SLAMF1: variants seen among roughly 807,000 people sequenced by gnomAD.
SLAMF1 encodes signaling lymphocytic activation molecule family member 1, also known as signaling lymphocytic activation molecule.
In SLAMF1, 18 loss-of-function variants were observed where a neutral mutation model predicts 35.1. The observed-to-expected ratio is 0.51, with a 90% CI of 0.35 to 0.76. SLAMF1 has a LOEUF of 0.76. SLAMF1 is among the 30% of genes least tolerant of loss of function. SLAMF1 has a pLI of 0.01. For missense variants in SLAMF1, 392 were observed against 413.0 expected (o/e 0.95, Z 0.44); for synonymous variants, 168 against 157.2 (o/e 1.07, Z -0.51).
intron 5 of SLAMF1, among the ~76,000 whole-genome samples, chr1:160,613,605 A>G (rs1558001208): frequency 6.6e-6 from 1 of 152,248 alleles, no homozygotes; most frequent in Non-Finnish European, 1.5e-5. Context: ...CCCTGGGTAT[A>G]GAGCCAGACT....
At chr1:160,629,321 C>CTCTT (rs35504996) in intron 3 of SLAMF1, among the ~76,000 whole-genome samples, 1 of 151,862 alleles carries the variant, frequency 6.6e-6, no homozygotes, top group African/African-American at 2.4e-5. Context: ...CTCTCTCTCT[C>CTCTT]TTCTCAAGTC....
intron 5 of SLAMF1, among the ~76,000 whole-genome samples, chr1:160,617,075 G>C (rs1659340177): frequency 6.6e-6 from 1 of 151,826 alleles, no homozygotes; most frequent in South Asian, 2.1e-4. Context: ...AGAATGGCTT[G>C]AACCCAGGAG....
intron 3 of SLAMF1, 38 bp from the exon 4 acceptor site, chr1:160,624,223 T>C (rs1412288286): frequency 1.2e-5 from 17 of 1,383,146 alleles, no homozygotes; most frequent in Non-Finnish European, 1.6e-5. Flanking sequence ...ATCTCAAAAG[T>C]ATTCTGAGCT....
In SLAMF1 at chr1:160,609,366, C is replaced by T. The variant is rs1329952512; in HGVS notation, c.*1382G>A. The T allele has an allele frequency of 6.6e-6, 1 of 152,160 alleles. No individual in the cohort carries two copies. The allele number at this position is 152,160 out of a possible 1,614,324, so 9.4% of individuals were successfully genotyped here. On this transcript the variant is annotated 3_prime_UTR_variant, in exon 7 of 7. Coordinates refer to ENST00000302035, the MANE Select transcript of SLAMF1 (RefSeq NM_003037.5). Reference sequence around the variant, plus strand: ...AGCCAAAGCCAGCTTCTGTTGATTGCAACTAAGAACTCTATTAAAGAAGCT... The same window carrying T: ...AGCCAAAGCCAGCTTCTGTTGATTGTAACTAAGAACTCTATTAAAGAAGCT...
chr1:160,621,863 T>TGTGC, intron 4 of SLAMF1, among the ~76,000 whole-genome samples: 1 of 144,828 alleles, frequency 6.9e-6, no homozygotes, highest in South Asian at 2.1e-4. Context: ...TGCGTGTGTG[T>TGTGC]GTGTGTGTGT....
At chr1:160,635,353 G>C (rs959043846) in intron 2 of SLAMF1, among the ~76,000 whole-genome samples, 1 of 152,114 alleles carries the variant, frequency 6.6e-6, no homozygotes, top group African/African-American at 2.4e-5. Flanking sequence ...GTGCGTGCGC[G>C]CGCGCGCATG....
chr1:160,613,008 C>T (rs568553156), intron 5 of SLAMF1, among the ~76,000 whole-genome samples: 15 of 152,184 alleles, frequency 9.9e-5, no homozygotes, highest in Non-Finnish European at 1.6e-4. Context: ...CTCCTCCTCA[C>T]ATATGTCTTC....
In SLAMF1 at chr1:160,610,009, C is replaced by T. The variant is rs7519513; in HGVS notation, c.*739G>A. On this transcript the variant is annotated 3_prime_UTR_variant, in exon 7 of 7. Transcript: ENST00000302035. ...TAACAGCACCATCAAACATTTGCTA[C>T]GTTTTTCTTTAAAACTGAATGCCAT... is the stretch of plus-strand genomic sequence containing the variant. The T allele has an allele frequency of 0.011, 2,265 of 198,440 alleles. 19 individuals are homozygous for T. The highest frequency in any genetic ancestry group is 0.026 in the East Asian group (174 of 6,768). 12.3% of individuals were successfully genotyped at this position (198,440 alleles called of 1,614,324 possible). A position where few individuals can be genotyped will look rare whatever the true frequency, so the allele number is the denominator to read the frequency against.
intron 2 of SLAMF1, 112 bp downstream of exon 2, chr1:160,637,079 A>G (rs79040322): frequency 1.4e-5 from 10 of 697,088 alleles, no homozygotes; most frequent in Non-Finnish European, 2.5e-5. Flanking sequence ...CTAGAAGATC[A>G]TTCTAGTTAC....
intron 4 of SLAMF1, 90 bp from the exon 5 acceptor site, chr1:160,619,939 C>A: frequency 1.2e-6 from 1 of 834,844 alleles, no homozygotes; most frequent in Non-Finnish European, 2.1e-6. Context: ...CTTTGCATAC[C>A]CACTTTCCCC....
chr1:160,619,324 C>T (rs934759766), intron 5 of SLAMF1, among the ~76,000 whole-genome samples: 1 of 152,278 alleles, frequency 6.6e-6, no homozygotes, highest in South Asian at 2.1e-4. Flanking sequence ...TCTTTAACCA[C>T]ACTCTAGCTA....
intron 3 of SLAMF1, 80 bp from the exon 4 acceptor site, chr1:160,624,265 G>A (rs928158688): frequency 2.0e-6 from 2 of 985,264 alleles, no homozygotes; most frequent in South Asian, 1.4e-5. Context: ...TGGGATAATG[G>A]AGCCTCATGT....
chr1:160,624,885 A>G (rs906825304), intron 3 of SLAMF1, among the ~76,000 whole-genome samples: 1 of 152,244 alleles, frequency 6.6e-6, no homozygotes, highest in Non-Finnish European at 1.5e-5. Context: ...CAAACAGTGA[A>G]TGAGAATTAT....
rs1660330958 is a variant in SLAMF1, at chr1:160,634,605, G to A, written c.700+8C>T. 2.5e-6 allele frequency: 4 copies of A among 1,588,350 alleles called. No individual in the cohort carries two copies. The highest frequency in any genetic ancestry group is 2.2e-5 in the East Asian group (1 of 44,602). On this transcript the variant is annotated splice_region_variant and intron_variant, in intron 3 of 6. Coordinates refer to ENST00000302035, the MANE Select transcript of SLAMF1 (RefSeq NM_003037.5). ...AGGTGGCACACAGGCTGCCACCAGT[G>A]TACTCACCTGAGGGGTCTGTCCTGC...
At position 160,608,970 on chromosome 1, in the gene SLAMF1, T is replaced by G. The variant is rs1658839478; in HGVS notation, c.*1778A>C. 1 of 152,200 alleles carries G rather than the reference T, an allele frequency of 6.6e-6. No homozygotes were observed. Among genetic ancestry groups the G allele is most frequent in the Admixed American group, 6.5e-5 (1 of 15,280 alleles). 9.4% of individuals were successfully genotyped at this position (152,200 alleles called of 1,614,324 possible). On this transcript the variant is annotated 3_prime_UTR_variant, in exon 7 of 7. Coordinates refer to ENST00000302035, the MANE Select transcript of SLAMF1 (RefSeq NM_003037.5). ...CCCAGCCCCCCTTGGAGATAGGACA[T>G]GGACATGTGACCTAGGATTGGCCAC...
intron 5 of SLAMF1, among the ~76,000 whole-genome samples, chr1:160,617,425 G>A (rs1180587650): frequency 6.6e-6 from 1 of 152,084 alleles, no homozygotes; most frequent in Non-Finnish European, 1.5e-5. Context: ...TAACCCACAT[G>A]TCCATCAATA....
intron 5 of SLAMF1, among the ~76,000 whole-genome samples, chr1:160,615,316 G>C (rs532263835): frequency 1.3e-5 from 2 of 151,996 alleles, no homozygotes; most frequent in Non-Finnish European, 1.5e-5. Context: ...AAATCAAGAG[G>C]TGAAATTATT....
intron 3 of SLAMF1, among the ~76,000 whole-genome samples, chr1:160,628,474 A>G (rs1043839066): frequency 7.9e-5 from 12 of 152,236 alleles, no homozygotes; most frequent in Non-Finnish European, 1.8e-4. Context: ...CTTTTCAAAG[A>G]GGAATTCTAG....
In SLAMF1 at chr1:160,610,620, A is replaced by G. The variant is rs909604734; in HGVS notation, c.*128T>C. ...GTATGTGGAAGAAACATCACCAGGG[A>G]GTTGATCTGAGAAGGGTACAGACGT... is the stretch of plus-strand genomic sequence containing the variant. On this transcript the variant is annotated 3_prime_UTR_variant, in exon 7 of 7. Coordinates refer to ENST00000302035, the MANE Select transcript of SLAMF1 (RefSeq NM_003037.5). 1 of 696,538 alleles carries G rather than the reference A, an allele frequency of 1.4e-6. No individual in the cohort carries two copies. The highest frequency in any genetic ancestry group is 1.8e-5 in the African/African-American group (1 of 56,266). The allele number at this position is 696,538 out of a possible 1,614,324, so 43.1% of individuals were successfully genotyped here.
Sources: allele counts gnomAD v4.1 joint callset (sites outside exome capture counted in the v4.1 genomes callset), GRCh38; gene constraint gnomAD v4.1.1; transcripts MANE v1.5; gene names NCBI Gene and HGNC (gene_info 2026-07-23, HGNC 2026-07-21).